The following MARCHF8 variants were observed in gnomAD, a reference collection of about 807,000 sequenced individuals.
MARCHF8 encodes E3 ubiquitin-protein ligase MARCHF8.
MARCHF8 carries 40 observed loss-of-function variants against 51.6 expected under a neutral mutation model. That is an observed-to-expected ratio of 0.77 (90% CI 0.60 to 1.01). MARCHF8 has a LOEUF of 1.01. Among genes scored for constraint, MARCHF8 ranks in the 50% least tolerant of loss-of-function variants. The probability of loss-of-function intolerance (pLI) is 0.00; values close to 1 mark genes in which losing one functional copy is unlikely to be tolerated. For missense variants in MARCHF8, 685 were observed against 708.6 expected, an observed-to-expected ratio of 0.97 and a Z score of 0.38; for synonymous variants, 263 against 280.3, an observed-to-expected ratio of 0.94 and a Z score of 0.62.
chr10:45,532,316 T>C (rs2043900997), intron 2 of MARCHF8, among the ~76,000 whole-genome samples: 1 of 152,244 alleles, frequency 6.6e-6, no homozygotes, highest in Non-Finnish European at 1.5e-5. Context: ...CTTCCTGGCC[T>C]AACTGTTGGA....
chr10:45,567,876 T>C (rs2044382576), intron 1 of MARCHF8, among the ~76,000 whole-genome samples: 1 of 152,232 alleles, frequency 6.6e-6, no homozygotes, highest in Non-Finnish European at 1.5e-5. Flanking sequence ...CTTTGGGTAG[T>C]ATGGACATTT....
rs150615060 is a variant in MARCHF8 at position 45,527,427 on chromosome 10, A to G, written c.102+5683T>C. ...ATAAGCACAATCAGAAATGAAAAAGACACTACAAATGATACCACAGAAATA... is the reference window on the plus strand; with the variant it reads ...ATAAGCACAATCAGAAATGAAAAAGGCACTACAAATGATACCACAGAAATA... On this transcript the variant is annotated intron_variant, in intron 2 of 7. Coordinates refer to ENST00000453424, the MANE Select transcript of MARCHF8 (RefSeq NM_001282866.2). Among the ~76,000 whole-genome samples, 99 of 152,288 alleles carry G rather than the reference A, an allele frequency of 6.5e-4. No homozygotes were observed. The East Asian group carries it at 0.017, about 26-fold the overall frequency.
chr10:45,462,947 T>C (rs1048839849), intron 5 of MARCHF8, among the ~76,000 whole-genome samples: 4 of 152,216 alleles, frequency 2.6e-5, no homozygotes, highest in African/African-American at 7.2e-5. Flanking sequence ...CTTTTATCAT[T>C]TGTAAAACTA....
chr10:45,501,913 T>C (rs1203302178), intron 2 of MARCHF8, among the ~76,000 whole-genome samples: 1 of 152,030 alleles, frequency 6.6e-6, no homozygotes, highest in Non-Finnish European at 1.5e-5. Context: ...ATTAGATAAA[T>C]GAAAGTAAAA....
intron 2 of MARCHF8, among the ~76,000 whole-genome samples, chr10:45,489,772 T>C (rs746716086): frequency 7.2e-5 from 11 of 152,208 alleles, no homozygotes; most frequent in Non-Finnish European, 2.9e-5. Flanking sequence ...TTAAGACACA[T>C]TTCAAGTGGA....
At chr10:45,497,812 T>C (rs985779210) in intron 2 of MARCHF8, among the ~76,000 whole-genome samples, 1 of 152,174 alleles carries the variant, frequency 6.6e-6, no homozygotes, top group African/African-American at 2.4e-5. Context: ...TTTATAGCTG[T>C]AAATGACAAG....
At chr10:45,517,147 CAGT>C (rs754910683) in intron 2 of MARCHF8, among the ~76,000 whole-genome samples, 2 of 152,182 alleles carry the variant, frequency 1.3e-5, no homozygotes, top group Non-Finnish European at 2.9e-5. Flanking sequence ...AGCTAGTTGA[CAGT>C]AGAGTTGTGA....
intron 1 of MARCHF8, among the ~76,000 whole-genome samples, chr10:45,542,652 A>C (rs2044069447): frequency 6.6e-6 from 1 of 152,188 alleles, no homozygotes; most frequent in Admixed American, 6.5e-5. Flanking sequence ...TGGGCTTACA[A>C]TTCATTTTTC....
intron 3 of MARCHF8, among the ~76,000 whole-genome samples, chr10:45,480,804 G>C (rs12573460): frequency 0.017 from 2,545 of 152,338 alleles, 47 homozygotes; most frequent in East Asian, 0.097. Flanking sequence ...CAGTGTGAAA[G>C]GGAAATGTGG....
At chr10:45,476,102 A>G (rs754957255) in intron 3 of MARCHF8, among the ~76,000 whole-genome samples, 1 of 152,242 alleles carries the variant, frequency 6.6e-6, no homozygotes, top group Non-Finnish European at 1.5e-5. Flanking sequence ...TAAGAAAACT[A>G]GAAGAGACTG....
At chr10:45,546,473 ATTT>A (rs543417724) in intron 1 of MARCHF8, among the ~76,000 whole-genome samples, 128 of 152,106 alleles carry the variant, frequency 8.4e-4, no homozygotes, top group African/African-American at 3.0e-3. Context: ...ATGAGCTGAA[ATTT>A]TTTAATGCAA....
chr10:45,496,299 G>A (rs886276742), intron 2 of MARCHF8, among the ~76,000 whole-genome samples: 1 of 152,040 alleles, frequency 6.6e-6, no homozygotes, highest in East Asian at 1.9e-4. Flanking sequence ...ATTTAAAAAG[G>A]AATTATATAA....
At chr10:45,561,534 A>C (rs1308440338) in intron 1 of MARCHF8, among the ~76,000 whole-genome samples, 1 of 151,172 alleles carries the variant, frequency 6.6e-6, no homozygotes, top group African/African-American at 2.4e-5. Flanking sequence ...TCAGCCTCCC[A>C]AAGTGCTGGC....
At chr10:45,459,346 A>AT in intron 6 of MARCHF8, 79 bp from the exon 7 acceptor site, 2 of 1,478,186 alleles carry the variant, frequency 1.4e-6, no homozygotes, top group East Asian at 2.4e-5. Context: ...TAGGTAGGTA[A>AT]GATTGGCTTT....
chr10:45,521,815 C>A (rs1033818336), intron 2 of MARCHF8, among the ~76,000 whole-genome samples: 1 of 152,178 alleles, frequency 6.6e-6, no homozygotes, highest in African/African-American at 2.4e-5. Context: ...AAGAATAGTA[C>A]AATGAATACC....
intron 2 of MARCHF8, among the ~76,000 whole-genome samples, chr10:45,512,682 T>C (rs2043547982): frequency 6.6e-6 from 1 of 151,118 alleles, no homozygotes; most frequent in Admixed American, 6.6e-5. Flanking sequence ...TACTGGGATG[T>C]GAGGAGCCCC....
At chr10:45,459,764 G>T in intron 6 of MARCHF8, 1 of 985,450 alleles carries the variant, frequency 1.0e-6, no homozygotes, top group Non-Finnish European at 1.2e-6. Context: ...TACTTTGGCA[G>T]CAACAGCTCG....
chr10:45,481,548 G>A (rs1474055587), intron 3 of MARCHF8, among the ~76,000 whole-genome samples: 1 of 152,202 alleles, frequency 6.6e-6, no homozygotes, highest in African/African-American at 2.4e-5. Flanking sequence ...TCTTGTGGTA[G>A]TGAATAAGTC....
chr10:45,492,442 C>A (rs12414122), intron 2 of MARCHF8, among the ~76,000 whole-genome samples: 1 of 152,140 alleles, frequency 6.6e-6, no homozygotes, highest in Admixed American at 6.5e-5. Context: ...GGACTACAGG[C>A]GCCCACCACC....
Sources: allele counts gnomAD v4.1 joint callset (sites outside exome capture counted in the v4.1 genomes callset), GRCh38; gene constraint gnomAD v4.1.1; transcripts MANE v1.5; gene names NCBI Gene and HGNC (gene_info 2026-07-23, HGNC 2026-07-21).